The following RPS6KA3 variants were observed in gnomAD, a reference collection of about 807,000 sequenced individuals.
RPS6KA3 encodes ribosomal protein S6 kinase alpha-3.
Under a neutral mutation model 67.2 loss-of-function variants are expected in RPS6KA3, and 4 were observed. The observed-to-expected ratio is 0.06, with a 90% CI of 0.03 to 0.14. The LOEUF (loss-of-function observed/expected upper bound fraction) is 0.14. RPS6KA3 is among the 10% of genes least tolerant of loss of function. The probability of loss-of-function intolerance (pLI) is 1.00; values close to 1 mark genes in which losing one functional copy is unlikely to be tolerated. For synonymous variants in RPS6KA3, 182 were observed against 183.7 expected (o/e 0.99, Z 0.07); for missense variants, 204 against 559.0 (o/e 0.36, Z 6.40).
rs140987045 is a variant in RPS6KA3 at position 20,209,392 on chromosome X, T to C, written c.139A>G (p.Ile47Val). 1,387 of 1,131,301 alleles carry C rather than the reference T, an allele frequency of 1.2e-3. 1 individual carries two copies. Among genetic ancestry groups the C allele is most frequent in the Non-Finnish European group, 1.1e-3 (938 of 823,459 alleles). The allele number at this position is 1,131,301 out of a possible 1,213,427, so 93.2% of individuals were successfully genotyped here. A position where few individuals can be genotyped will look rare whatever the true frequency, so the allele number is the denominator to read the frequency against. The change falls in exon 3 of 22, where the codon ATC becomes GTC. Residue 47 changes from isoleucine to valine, a missense_variant. Around this residue, in one of 4 missense-constraint regions of RPS6KA3, gnomAD observed 31 missense variants for 42.5 expected, o/e 0.73. Coordinates refer to ENST00000379565, the MANE Select transcript of RPS6KA3 (RefSeq NM_004586.3). ...EINPQTEEVS[I>V]KEIAITHHVK... ...TGATGTGTGATTGCAATTTCTTTGA[T>C]ACTGACTTCTTCCTGTTGAGATAAA...
Position 20,266,841 on chromosome X carries a change from G to A in RPS6KA3, c.-209C>T. The stretch of plus-strand genomic sequence containing the variant: ...CCGACCGCCCGAAAGCCGCGCGCCT[G>A]GCCAGAGACGCCCGCGCGCTGAGCG... On this transcript the variant is annotated 5_prime_UTR_variant, in exon 1 of 22. Transcript: ENST00000379565. 5.3e-6 allele frequency: 2 copies of A among 380,620 alleles called. No individual in the cohort carries two copies. Among genetic ancestry groups the A allele is most frequent in the Non-Finnish European group, 6.7e-6 (2 of 297,755 alleles). The allele number at this position is 380,620 out of a possible 1,213,427, so 31.4% of individuals were successfully genotyped here. A position where few individuals can be genotyped will look rare whatever the true frequency, so the allele number is the denominator to read the frequency against.
At chrX:20,209,231 T>G in intron 3 of RPS6KA3, 57 bp downstream of exon 3, 1 of 648,284 alleles carries the variant, frequency 1.5e-6, no homozygotes, top group Non-Finnish European at 2.6e-6. Flanking sequence ...CTCATGTATA[T>G]GAAATACATA....
intron 9 of RPS6KA3, 108 bp downstream of exon 9, chrX:20,187,720 T>C: frequency 1.5e-6 from 1 of 666,977 alleles, no homozygotes; most frequent in Non-Finnish European, 2.5e-6. Flanking sequence ...ATTTATTACA[T>C]ATGGCATAAA....
intron 15 of RPS6KA3, among the ~76,000 whole-genome samples, chrX:20,171,310 A>AT (rs1424245361): frequency 8.9e-6 from 1 of 111,836 alleles, no homozygotes; most frequent in Non-Finnish European, 1.9e-5. Context: ...CTGTACTTGT[A>AT]TAACAGTTCT....
chrX:20,235,815 ACTT>A (rs1277663460), intron 1 of RPS6KA3, among the ~76,000 whole-genome samples: 5 of 111,677 alleles, frequency 4.5e-5, no homozygotes, highest in Non-Finnish European at 9.4e-5. Context: ...CATCAATTCT[ACTT>A]CTTTTTTAAA....
intron 2 of RPS6KA3, among the ~76,000 whole-genome samples, chrX:20,233,646 A>T (rs1177115993): frequency 9.1e-6 from 1 of 109,921 alleles, no homozygotes; most frequent in Non-Finnish European, 1.9e-5. Context: ...AGCTACCAAG[A>T]AGGCTGAGGT....
intron 2 of RPS6KA3, among the ~76,000 whole-genome samples, chrX:20,222,823 C>T (rs950699773): frequency 9.0e-6 from 1 of 111,698 alleles, no homozygotes; most frequent in African/African-American, 3.2e-5. Context: ...TCAAATTCTT[C>T]AATGGCTTCC....
At chrX:20,262,370 A>G (rs1421817139) in intron 1 of RPS6KA3, among the ~76,000 whole-genome samples, 2 of 112,294 alleles carry the variant, frequency 1.8e-5, no homozygotes, top group African/African-American at 6.5e-5. Flanking sequence ...GTCCTTGGTC[A>G]GGAGTACACA....
At chrX:20,169,292 G>T in intron 16 of RPS6KA3, 110 bp downstream of exon 16, 1 of 589,485 alleles carries the variant, frequency 1.7e-6, no homozygotes, top group African/African-American at 2.2e-5. Flanking sequence ...GGGCCACTGT[G>T]CCCAGCCTAT....
intron 2 of RPS6KA3, among the ~76,000 whole-genome samples, chrX:20,222,124 G>A (rs1474021759): frequency 8.9e-6 from 1 of 112,733 alleles, no homozygotes; most frequent in Non-Finnish European, 1.9e-5. Context: ...TATCTGGCCC[G>A]TTATAGACAA....
At chrX:20,253,012 G>C (rs1181259773) in intron 1 of RPS6KA3, among the ~76,000 whole-genome samples, 1 of 110,925 alleles carries the variant, frequency 9.0e-6, no homozygotes, top group Non-Finnish European at 1.9e-5. Flanking sequence ...TCTGCTACTA[G>C]ACCCCACTGC....
chrX:20,176,183 T>C, intron 13 of RPS6KA3, 67 bp downstream of exon 13: 1 of 781,007 alleles, frequency 1.3e-6, no homozygotes, highest in Non-Finnish European at 2.0e-6. Context: ...TGGAAAAGAT[T>C]TTCTGATGAA....
chrX:20,249,284 G>C (rs1469457547), intron 1 of RPS6KA3, among the ~76,000 whole-genome samples: 2 of 112,195 alleles, frequency 1.8e-5, no homozygotes, highest in African/African-American at 6.5e-5. Context: ...TCTGTGCACA[G>C]ACTTTTATGT....
upstream of RPS6KA3, chrX:20,266,913 T>C: frequency 1.6e-6 from 1 of 637,279 alleles, no homozygotes; most frequent in Non-Finnish European, 1.9e-6. Flanking sequence ...CCTTTCTTCC[T>C]CTCCTCCTTC....
At chrX:20,252,054 C>G (rs2069887968) in intron 1 of RPS6KA3, among the ~76,000 whole-genome samples, 3 of 112,139 alleles carry the variant, frequency 2.7e-5, no homozygotes, top group Non-Finnish European at 5.6e-5. Flanking sequence ...TGCTTTATCT[C>G]CAATGTTATT....
intron 7 of RPS6KA3, among the ~76,000 whole-genome samples, chrX:20,189,428 G>C (rs753262012): frequency 8.9e-6 from 1 of 112,007 alleles, no homozygotes; most frequent in South Asian, 3.7e-4. Flanking sequence ...ATTCATGGAG[G>C]GTAGAGAAAT....
At chrX:20,253,345 GA>G (rs918329830) in intron 1 of RPS6KA3, among the ~76,000 whole-genome samples, 1 of 111,056 alleles carries the variant, frequency 9.0e-6, no homozygotes, top group Non-Finnish European at 1.9e-5. Context: ...TTGTCTAAAG[GA>G]AACAGGCTTT....
At chrX:20,254,591 G>A (rs1603432364) in intron 1 of RPS6KA3, among the ~76,000 whole-genome samples, 4 of 111,961 alleles carry the variant, frequency 3.6e-5, no homozygotes, top group East Asian at 2.8e-4. Context: ...TTAAAAGCAC[G>A]TATTGAAACT....
chrX:20,210,589 G>A (rs1403555708), intron 2 of RPS6KA3, among the ~76,000 whole-genome samples: 1 of 111,083 alleles, frequency 9.0e-6, no homozygotes, highest in Non-Finnish European at 1.9e-5. Context: ...AGTAGTAAAA[G>A]GAAAAAAGCT....
Sources: allele counts gnomAD v4.1 joint callset (sites outside exome capture counted in the v4.1 genomes callset), GRCh38; gene constraint gnomAD v4.1.1; regional missense constraint gnomAD v4.1.1; transcripts MANE v1.5; gene names NCBI Gene and HGNC (gene_info 2026-07-23, HGNC 2026-07-21).